The following DAB1 variants were observed in gnomAD, a reference collection of about 807,000 sequenced individuals.
DAB1 encodes disabled homolog 1.
DAB1 carries 15 observed loss-of-function variants against 64.6 expected under a neutral mutation model. That is an observed-to-expected ratio of 0.23 (90% confidence interval 0.16 to 0.36). The LOEUF (loss-of-function observed/expected upper bound fraction) is 0.36, where lower values mean the gene tolerates loss of function less well. Among genes scored for constraint, DAB1 ranks in the 10% least tolerant of loss-of-function variants. The probability of loss-of-function intolerance (pLI) is 1.00; values close to 1 mark genes in which losing one functional copy is unlikely to be tolerated. For synonymous variants in DAB1, 235 were observed against 251.9 expected (o/e 0.93, Z 0.64); for missense variants, 596 against 706.7 (o/e 0.84, Z 1.78).
chr1:57,880,079 A>C (rs907846464), intron 1 of DAB1: 5 of 152,278 alleles, frequency 3.3e-5, no homozygotes, highest in Admixed American at 6.6e-5. Flanking sequence ...CCTCCTTCTA[A>C]GTCTTTTGTC....
chr1:57,196,466 G>A (rs1221609537), intron 2 of DAB1, among the ~76,000 whole-genome samples: 1 of 152,190 alleles, frequency 6.6e-6, no homozygotes, highest in East Asian at 1.9e-4. Flanking sequence ...GGCAAACCAG[G>A]AAGATTAGCA....
intron 4 of DAB1, among the ~76,000 whole-genome samples, chr1:57,089,928 T>A (rs1653485799): frequency 6.6e-6 from 1 of 152,162 alleles, no homozygotes; most frequent in Non-Finnish European, 1.5e-5. Context: ...ATTGCATATT[T>A]TATAATACGA....
intron 4 of DAB1, among the ~76,000 whole-genome samples, chr1:58,221,037 G>C (rs1659143183): frequency 6.9e-6 from 1 of 145,766 alleles, no homozygotes; most frequent in Non-Finnish European, 1.5e-5. Context: ...TTCTTAGAGA[G>C]CTGTGGTTTT....
At chr1:58,135,288 T>C (rs902256388) in intron 5 of DAB1, among the ~76,000 whole-genome samples, 1 of 152,036 alleles carries the variant, frequency 6.6e-6, no homozygotes, top group Non-Finnish European at 1.5e-5. Flanking sequence ...CTGAGAGGTG[T>C]CTACAGAGAT....
intron 4 of DAB1, among the ~76,000 whole-genome samples, chr1:57,082,854 A>T (rs912929648): frequency 6.6e-6 from 1 of 152,180 alleles, no homozygotes; most frequent in African/African-American, 2.4e-5. Context: ...CAAAAGACAT[A>T]ATCTTGTTCC....
At chr1:57,963,583 G>A (rs1002503685) in intron 5 of DAB1, among the ~76,000 whole-genome samples, 2 of 152,150 alleles carry the variant, frequency 1.3e-5, no homozygotes, top group Non-Finnish European at 2.9e-5. Flanking sequence ...ATGATTTCTT[G>A]TTGTTGAAAT....
chr1:57,044,001 T>C (rs1648141622), intron 9 of DAB1, among the ~76,000 whole-genome samples: 1 of 152,204 alleles, frequency 6.6e-6, no homozygotes, highest in African/African-American at 2.4e-5. Flanking sequence ...TCTCCCTTCA[T>C]GGTGAGTCAC....
At chr1:57,673,414 A>G (rs769178506) in intron 6 of DAB1, among the ~76,000 whole-genome samples, 25 of 152,054 alleles carry the variant, frequency 1.6e-4, no homozygotes, top group Non-Finnish European at 3.7e-4. Flanking sequence ...TCTGCTCCAC[A>G]AAGTCCTCTC....
At chr1:57,496,813 G>A (rs1262821935) in intron 7 of DAB1, among the ~76,000 whole-genome samples, 2 of 152,154 alleles carry the variant, frequency 1.3e-5, no homozygotes, top group Non-Finnish European at 2.9e-5. Context: ...GCTGCTAGTG[G>A]CAGAACTGGG....
rs148221112 is a variant in DAB1, at chr1:58,198,172, T to C, written n.310-47584A>G. On this transcript the variant is annotated intron_variant and non_coding_transcript_variant, in intron 4 of 20. Coordinates refer to the DAB1 transcript ENST00000485760. ...GAGAAAGTCAGAGTACAGAGAGCTG[T>C]CCCAGCATCATAGCAGCATATCCCT... Among the ~76,000 whole-genome samples the C allele has an allele frequency of 5.9e-3, 900 of 152,322 alleles. 7 individuals are homozygous for C. The highest frequency in any genetic ancestry group is 0.01 in the Middle Eastern group (3 of 294).
chr1:57,742,026 G>C (rs1557454538), intron 6 of DAB1, among the ~76,000 whole-genome samples: 1 of 152,118 alleles, frequency 6.6e-6, no homozygotes, highest in Non-Finnish European at 1.5e-5. Context: ...CAACCACCTG[G>C]AGCAGGTTGA....
At chr1:57,021,469 G>A (rs1646617960) in intron 11 of DAB1, among the ~76,000 whole-genome samples, 1 of 152,170 alleles carries the variant, frequency 6.6e-6, no homozygotes, top group South Asian at 2.1e-4. Flanking sequence ...CGTTCTCATG[G>A]TAGTGAGTAA....
chr1:57,932,330 A>G (rs769833343), intron 5 of DAB1, among the ~76,000 whole-genome samples: 2 of 152,186 alleles, frequency 1.3e-5, no homozygotes, highest in African/African-American at 2.4e-5. Context: ...AAAGTAGTCT[A>G]TATGCGTCAA....
intron 7 of DAB1, among the ~76,000 whole-genome samples, chr1:57,565,669 A>C (rs1386722882): frequency 6.6e-6 from 1 of 152,210 alleles, no homozygotes; most frequent in Non-Finnish European, 1.5e-5. Flanking sequence ...AGATCAAAAG[A>C]GACAAAGAAG....
intron 5 of DAB1, among the ~76,000 whole-genome samples, chr1:58,055,157 T>C (rs1647974330): frequency 6.6e-6 from 1 of 152,212 alleles, no homozygotes; most frequent in African/African-American, 2.4e-5. Context: ...GATTTCAGAA[T>C]ATGCTGTTGT....
At chr1:58,129,879 A>C (rs1316530767) in intron 5 of DAB1, among the ~76,000 whole-genome samples, 1 of 148,238 alleles carries the variant, frequency 6.7e-6, no homozygotes, top group Non-Finnish European at 1.5e-5. Flanking sequence ...ACTTCCAACT[A>C]TGTGGTCAAT....
intron 1 of DAB1, among the ~76,000 whole-genome samples, chr1:57,340,549 T>C (rs1356952257): frequency 6.6e-6 from 1 of 152,214 alleles, no homozygotes; most frequent in East Asian, 1.9e-4. Context: ...ACTGTAACCA[T>C]TTGCTAGGCT....
chr1:57,941,130 T>A (rs575099960), intron 5 of DAB1, among the ~76,000 whole-genome samples: 64 of 152,302 alleles, frequency 4.2e-4, no homozygotes, highest in African/African-American at 1.4e-3. Context: ...CCCCTCAACA[T>A]CCCAGGATTA....
intron 5 of DAB1, among the ~76,000 whole-genome samples, chr1:58,115,178 G>A (rs567429606): frequency 7.9e-5 from 9 of 113,790 alleles, no homozygotes; most frequent in Admixed American, 2.0e-4. Context: ...GTGGGCGAAG[G>A]ACATGAACAG....
Sources: allele counts gnomAD v4.1 joint callset (sites outside exome capture counted in the v4.1 genomes callset), GRCh38; gene constraint gnomAD v4.1.1; transcripts MANE v1.5; gene names NCBI Gene and HGNC (gene_info 2026-07-23, HGNC 2026-07-21).